Variants in PKP2 observed in about 807,000 individuals in gnomAD.
PKP2 encodes plakophilin 2, also known as plakophilin-2.
PKP2 carries 73 observed loss-of-function variants against 83.4 expected under a neutral mutation model. The ratio of observed to expected loss-of-function variants is 0.88; its 90% CI spans 0.72 to 1.06. The LOEUF (loss-of-function observed/expected upper bound fraction) is 1.06, where lower values mean the gene tolerates loss of function less well. PKP2 is among the 50% of genes least tolerant of loss of function. The pLI is 0.00. For missense variants in PKP2, 966 were observed against 1,065.4 expected, an observed-to-expected ratio of 0.91 and a Z score of 1.30; for synonymous variants, 409 against 430.4, an observed-to-expected ratio of 0.95 and a Z score of 0.62.
intron 1 of PKP2, among the ~76,000 whole-genome samples, chr12:32,896,027 TAG>T (rs1480206808): frequency 5.3e-5 from 8 of 152,192 alleles, no homozygotes; most frequent in African/African-American, 1.9e-4. Context: ...TTATAGGTTG[TAG>T]GAGCGCCAGT....
At chr12:32,869,283 T>C (rs925299437) in intron 3 of PKP2, among the ~76,000 whole-genome samples, 1 of 151,954 alleles carries the variant, frequency 6.6e-6, no homozygotes, top group African/African-American at 2.4e-5. Context: ...CATTGGACGA[T>C]GTCATTCGAT....
At chr12:32,831,402 C>T (rs1369302193) in intron 6 of PKP2, among the ~76,000 whole-genome samples, 2 of 152,140 alleles carry the variant, frequency 1.3e-5, no homozygotes, top group Non-Finnish European at 2.9e-5. Context: ...GACCTTGTGT[C>T]ACAAAATACA....
intron 6 of PKP2, among the ~76,000 whole-genome samples, chr12:32,832,301 C>T (rs759690997): frequency 1.4e-4 from 22 of 152,020 alleles, no homozygotes; most frequent in Non-Finnish European, 2.1e-4. Context: ...TTACTTGAAC[C>T]TGGGAAGCGG....
chr12:32,887,422 A>G (rs1293642620), intron 1 of PKP2, among the ~76,000 whole-genome samples: 1 of 152,208 alleles, frequency 6.6e-6, no homozygotes, highest in Non-Finnish European at 1.5e-5. Flanking sequence ...TCACTGCTCT[A>G]GGTAATGACA....
chr12:32,796,489 T>C (rs879611959), intron 10 of PKP2, among the ~76,000 whole-genome samples, 191 bp from the exon 11 acceptor site: 60 of 152,204 alleles, frequency 3.9e-4, no homozygotes, highest in Non-Finnish European at 7.1e-4. Flanking sequence ...TTCACGCCAT[T>C]CTCTTGCCTC....
chr12:32,850,063 T>G (rs975940897), intron 5 of PKP2, among the ~76,000 whole-genome samples: 1 of 152,186 alleles, frequency 6.6e-6, no homozygotes. Context: ...AAAATTTAGT[T>G]TGGGACACCT....
intron 9 of PKP2, among the ~76,000 whole-genome samples, chr12:32,819,409 C>T (rs1956355051): frequency 6.6e-6 from 1 of 152,298 alleles, no homozygotes; most frequent in Non-Finnish European, 1.5e-5. Flanking sequence ...CCAATCAAGT[C>T]CAATTCTAAC....
chr12:32,887,723 G>A (rs865792737), intron 1 of PKP2, among the ~76,000 whole-genome samples: 31 of 152,174 alleles, frequency 2.0e-4, no homozygotes, highest in African/African-American at 7.0e-4. Flanking sequence ...AAGTGCCAGC[G>A]CTTTAGGCGT....
intron 9 of PKP2, among the ~76,000 whole-genome samples, chr12:32,816,686 C>T (rs1042594909): frequency 2.6e-5 from 4 of 152,178 alleles, no homozygotes; most frequent in African/African-American, 9.7e-5. Flanking sequence ...AGTGGCTGAA[C>T]TAATTTATAT....
intron 10 of PKP2, among the ~76,000 whole-genome samples, chr12:32,798,088 T>TTTG (rs1426134054): frequency 3.4e-5 from 5 of 147,208 alleles, no homozygotes; most frequent in Admixed American, 2.0e-4. Flanking sequence ...ACTCTTGTTT[T>TTTG]TTTTTTTTTT....
intron 4 of PKP2, among the ~76,000 whole-genome samples, chr12:32,859,346 A>G (rs1956779567): frequency 6.6e-6 from 1 of 152,242 alleles, no homozygotes; most frequent in African/African-American, 2.4e-5. Context: ...AACTTAAACT[A>G]AAAATGGCAG....
At chr12:32,888,392 C>G (rs1957048835) in intron 1 of PKP2, among the ~76,000 whole-genome samples, 1 of 152,118 alleles carries the variant, frequency 6.6e-6, no homozygotes, top group African/African-American at 2.4e-5. Flanking sequence ...TACAGGTTTT[C>G]TTTGTAATGA....
At position 32,878,382 on chromosome 12, in the gene PKP2, G is replaced by A. The variant is rs772439804; in HGVS notation, c.498C>T (p.Tyr166=). 5.6e-6 allele frequency: 9 copies of A among 1,613,998 alleles called. No individual in the cohort carries two copies. The South Asian group carries it at 9.9e-5, about 18-fold the overall frequency. Residue 166 remains tyrosine (Y), a synonymous_variant, in exon 3 of 13, where the codon TAC becomes TAT. Coordinates refer to ENST00000340811, the MANE Select transcript of PKP2 (RefSeq NM_001005242.3). ...PERAHYTHSD[Y]QYSQRSQAGH... is the part of the protein sequence containing the mutation. ...CAGCCTGGCTTCTCTGGCTGTACTG[G>A]TAATCGCTGTGCGTGTAGTGAGCCC...
At chr12:32,808,100 T>C (rs1339475769) in intron 9 of PKP2, among the ~76,000 whole-genome samples, 1 of 152,222 alleles carries the variant, frequency 6.6e-6, no homozygotes, top group African/African-American at 2.4e-5. Flanking sequence ...TTCTACTGGA[T>C]GATATACTAA....
intron 9 of PKP2, among the ~76,000 whole-genome samples, chr12:32,807,832 C>T (rs1431621545): frequency 6.6e-6 from 1 of 152,114 alleles, no homozygotes; most frequent in Non-Finnish European, 1.5e-5. Flanking sequence ...AAATTCTTTT[C>T]TTTAAGAATT....
chr12:32,809,808 G>C (rs114612503), intron 9 of PKP2, among the ~76,000 whole-genome samples: 2,419 of 152,258 alleles, frequency 0.016, 74 homozygotes, highest in African/African-American at 0.055. Context: ...GCTTCCCTTT[G>C]CTGGGGGTGG....
intron 6 of PKP2, among the ~76,000 whole-genome samples, chr12:32,836,815 T>TA (rs1171791034): frequency 2.0e-5 from 3 of 152,230 alleles, no homozygotes. Context: ...GAGTGAGCTG[T>TA]AGACATAAAT....
chr12:32,847,607 G>A (rs939455446), intron 5 of PKP2, among the ~76,000 whole-genome samples: 1 of 152,020 alleles, frequency 6.6e-6, no homozygotes, highest in African/African-American at 2.4e-5. Context: ...TCCAAATCAC[G>A]CTATTTTCCA....
chr12:32,799,424 C>A (rs576410279), intron 10 of PKP2, among the ~76,000 whole-genome samples: 1 of 152,288 alleles, frequency 6.6e-6, no homozygotes, highest in South Asian at 2.1e-4. Context: ...TCCAGCAATA[C>A]CACTACTGGG....
Sources: allele counts gnomAD v4.1 joint callset (sites outside exome capture counted in the v4.1 genomes callset), GRCh38; gene constraint gnomAD v4.1.1; transcripts MANE v1.5; gene names NCBI Gene and HGNC (gene_info 2026-07-23, HGNC 2026-07-21).